SEMA5A: variants seen among roughly 807,000 people sequenced by gnomAD.
SEMA5A encodes semaphorin 5A, also known as semaphorin-5A.
In SEMA5A, 55 loss-of-function variants were observed where a neutral mutation model predicts 135.5. The ratio of observed to expected loss-of-function variants is 0.41; its 90% confidence interval spans 0.33 to 0.51. The LOEUF (loss-of-function observed/expected upper bound fraction) is 0.51, where lower values mean the gene tolerates loss of function less well. Ranked by LOEUF, SEMA5A falls within the 20% of genes least tolerant of loss-of-function variation. The probability of loss-of-function intolerance (pLI) is 0.37; values close to 1 mark genes in which losing one functional copy is unlikely to be tolerated. For synonymous variants in SEMA5A, 580 were observed against 546.5 expected (o/e 1.06, Z -0.85); for missense variants, 1,290 against 1,419.9 (o/e 0.91, Z 1.47).
rs1329396462 is a variant in SEMA5A at position 9,174,894 on chromosome 5, G to C, written c.1273+15373C>G. Among the ~76,000 whole-genome samples the C allele has an allele frequency of 3.9e-5, 6 of 152,162 alleles. No homozygotes were observed. In the South Asian group the frequency reaches 1.2e-3, roughly 32 times the overall value. ...AGGAAGCTTTACTCTACAGACCTTTGAAGGCGTAAGAGACGACAGCTCTGT... is the reference window on the plus strand; with the variant it reads ...AGGAAGCTTTACTCTACAGACCTTTCAAGGCGTAAGAGACGACAGCTCTGT... On this transcript the variant is annotated intron_variant, in intron 11 of 22. Transcript: ENST00000382496.
At chr5:9,440,151 G>A (rs1306874723) in intron 1 of SEMA5A, among the ~76,000 whole-genome samples, 1 of 152,240 alleles carries the variant, frequency 6.6e-6, no homozygotes, top group African/African-American at 2.4e-5. Context: ...GCCTTGAGTT[G>A]GAGCCAAGCT....
At chr5:9,257,954 T>G (rs1430609088) in intron 5 of SEMA5A, among the ~76,000 whole-genome samples, 1 of 152,054 alleles carries the variant, frequency 6.6e-6, no homozygotes, top group African/African-American at 2.4e-5. Context: ...GGTGTTTTGT[T>G]TCCTTCCTTC....
At chr5:9,463,941 T>C (rs962274490) in intron 1 of SEMA5A, among the ~76,000 whole-genome samples, 2 of 152,214 alleles carry the variant, frequency 1.3e-5, no homozygotes, top group African/African-American at 2.4e-5. Context: ...AGCTACACTC[T>C]AAAGGCGAAA....
rs985022447 is a variant in SEMA5A, at chr5:9,039,905, C to G, written c.*2992G>C. ...GTAAACTGTCAGTGCACTGTAAAAT[C>G]AATAGTAGATGGTGATGAGTCTGGC... On this transcript the variant is annotated 3_prime_UTR_variant, in exon 23 of 23. Transcript: ENST00000382496. 12 of 152,164 alleles carry G rather than the reference C, an allele frequency of 7.9e-5. No homozygotes were observed. Among genetic ancestry groups the G allele is most frequent in the African/African-American group, 2.9e-4 (12 of 41,418 alleles). The allele number at this position is 152,164 out of a possible 1,614,324, so 9.4% of individuals were successfully genotyped here.
intron 5 of SEMA5A, among the ~76,000 whole-genome samples, chr5:9,256,479 A>G (rs528374571): frequency 1.2e-4 from 18 of 152,274 alleles, no homozygotes; most frequent in African/African-American, 3.8e-4. Flanking sequence ...ATATTCAGAT[A>G]TTGACTCAAC....
intron 20 of SEMA5A, among the ~76,000 whole-genome samples, chr5:9,050,994 CAT>C (rs1736542621): frequency 6.6e-6 from 1 of 152,248 alleles, no homozygotes; most frequent in African/African-American, 2.4e-5. Context: ...ACATCTCATA[CAT>C]GTTTTAACTC....
intron 2 of SEMA5A, among the ~76,000 whole-genome samples, chr5:9,392,951 G>A (rs762511997): frequency 6.6e-6 from 1 of 152,206 alleles, no homozygotes; most frequent in Non-Finnish European, 1.5e-5. Flanking sequence ...TTCACAGTCA[G>A]CCTATTAGGT....
chr5:9,468,047 G>A (rs541691138), intron 1 of SEMA5A, among the ~76,000 whole-genome samples: 2 of 152,220 alleles, frequency 1.3e-5, no homozygotes, highest in East Asian at 3.9e-4. Context: ...GCTACAGGAA[G>A]ATCAGCGTTA....
chr5:9,039,250 A>ACTGT lies in SEMA5A; in HGVS notation c.*3643_*3646dup, dbSNP rs1336362186. 1 of 152,234 alleles carries ACTGT rather than the reference A, an allele frequency of 6.6e-6. No individual in the cohort carries two copies. Among genetic ancestry groups the ACTGT allele is most frequent in the Admixed American group, 6.5e-5 (1 of 15,288 alleles). 9.4% of individuals were successfully genotyped at this position (152,234 alleles called of 1,614,324 possible). A position where few individuals can be genotyped will look rare whatever the true frequency, so the allele number is the denominator to read the frequency against. On this transcript the variant is annotated 3_prime_UTR_variant, in exon 23 of 23. Transcript: ENST00000382496. ...GTGAAGTGGGCAACCGTTTCCGGGAACTGTCCATAGCACTTGCTGGGGTGA... is the reference window on the plus strand; with the variant it reads ...GTGAAGTGGGCAACCGTTTCCGGGAACTGTCTGTCCATAGCACTTGCTGGGGTGA...
chr5:9,494,291 C>A (rs1735188404), intron 1 of SEMA5A, among the ~76,000 whole-genome samples: 1 of 152,144 alleles, frequency 6.6e-6, no homozygotes, highest in Middle Eastern at 3.2e-3. Context: ...TCAAGACAAT[C>A]ATAGAAATAG....
At chr5:9,150,056 C>T (rs1487605459) in intron 12 of SEMA5A, among the ~76,000 whole-genome samples, 1 of 152,160 alleles carries the variant, frequency 6.6e-6, no homozygotes, top group Non-Finnish European at 1.5e-5. Context: ...CCAAGCTAGT[C>T]TTGAATTCCT....
Position 9,357,402 on chromosome 5 carries a change from C to T in SEMA5A, c.125-19590G>A, listed in dbSNP as rs532161918. 1.1e-3 allele frequency among the ~76,000 whole-genome samples: 169 copies of T among 152,270 alleles called. 1 individual carries two copies. The highest frequency in any genetic ancestry group is 2.8e-3 in the Admixed American group (43 of 15,302). On this transcript the variant is annotated intron_variant, in intron 3 of 22. Transcript: ENST00000382496. ...ATTGCATATGGTCAGTATAATAATG[C>T]TGTCATTCTAGAAGGGCTATAATTA...
intron 13 of SEMA5A, among the ~76,000 whole-genome samples, chr5:9,136,146 T>C (rs979165610): frequency 6.6e-6 from 1 of 152,156 alleles, no homozygotes; most frequent in Admixed American, 6.5e-5. Context: ...CCAAAAGAAA[T>C]TTGTGGGTGT....
chr5:9,066,924 C>T (rs1362784048), intron 16 of SEMA5A, among the ~76,000 whole-genome samples: 2 of 152,112 alleles, frequency 1.3e-5, no homozygotes, highest in African/African-American at 4.8e-5. Context: ...AAAAACCCAC[C>T]GATCCCATAA....
intron 3 of SEMA5A, among the ~76,000 whole-genome samples, chr5:9,357,266 C>G (rs1388432646): frequency 1.3e-5 from 2 of 152,138 alleles, no homozygotes; most frequent in African/African-American, 4.8e-5. Context: ...TAAAAAAAGA[C>G]TCAAATTGGA....
intron 15 of SEMA5A, among the ~76,000 whole-genome samples, chr5:9,116,042 A>C (rs999673185): frequency 2.6e-5 from 4 of 152,194 alleles, no homozygotes; most frequent in African/African-American, 9.7e-5. Context: ...TGAGGTCTGC[A>C]GTTTGACAGC....
At chr5:9,105,520 C>T (rs1739865447) in intron 16 of SEMA5A, among the ~76,000 whole-genome samples, 1 of 152,254 alleles carries the variant, frequency 6.6e-6, no homozygotes, top group African/African-American at 2.4e-5. Flanking sequence ...TTAGCTGACT[C>T]CCATTTTTAA....
At chr5:9,191,217 A>T (rs1745094480) in intron 10 of SEMA5A, among the ~76,000 whole-genome samples, 1 of 152,210 alleles carries the variant, frequency 6.6e-6, no homozygotes, top group Non-Finnish European at 1.5e-5. Flanking sequence ...GATTTCAGAT[A>T]GAGCAAATAT....
intron 2 of SEMA5A, among the ~76,000 whole-genome samples, chr5:9,412,649 G>A (rs559649336): frequency 6.9e-6 from 1 of 143,994 alleles, no homozygotes; most frequent in Non-Finnish European, 1.5e-5. Flanking sequence ...AAGTTATCGT[G>A]GGGATAGAAC....
Sources: gnomAD v4.1 joint callset for allele counts (sites outside exome capture counted in the v4.1 genomes callset) on GRCh38, gnomAD v4.1.1 for gene constraint, MANE v1.5 for transcripts, NCBI Gene and HGNC (gene_info 2026-07-23, HGNC 2026-07-21) for gene names.